The following CFAP99 variants were observed in gnomAD, a reference collection of about 807,000 sequenced individuals.
CFAP99 encodes cilia- and flagella-associated protein 99.
In CFAP99, 84 loss-of-function variants were observed where a neutral mutation model predicts 82.7. The ratio of observed to expected loss-of-function variants is 1.02; its 90% CI spans 0.85 to 1.22. CFAP99 has a LOEUF of 1.22. Ranked by LOEUF, CFAP99 falls within the 50% of genes most tolerant of loss-of-function variation. The pLI is 0.00. For missense variants in CFAP99, 1,059 were observed against 983.5 expected, an observed-to-expected ratio of 1.08 and a Z score of -1.03; for synonymous variants, 456 against 429.5, an observed-to-expected ratio of 1.06 and a Z score of -0.76.
chr4:2,441,372 CAAA>C (rs35201791), intron 4 of CFAP99, among the ~76,000 whole-genome samples: 3 of 120,144 alleles, frequency 2.5e-5, no homozygotes, highest in Non-Finnish European at 3.6e-5. Context: ...GACTCCATCT[CAAA>C]AAAAAAAAAA....
rs924391687 is a variant in CFAP99 at position 2,462,799 on chromosome 4, C to G, written c.2018C>G (p.Pro673Arg). 3 of 1,303,452 alleles carry G rather than the reference C, an allele frequency of 2.3e-6. No homozygotes were observed. Among genetic ancestry groups the G allele is most frequent in the African/African-American group, 1.6e-5 (1 of 64,488 alleles). 80.7% of individuals were successfully genotyped at this position (1,303,452 alleles called of 1,614,324 possible). A position where few individuals can be genotyped will look rare whatever the true frequency, so the allele number is the denominator to read the frequency against. The change falls in exon 15 of 15, where the codon CCC becomes CGC. Residue 673 changes from proline (P) to arginine (R), a missense_variant. By Grantham distance (103) the Pro-to-Arg change is moderately radical. Coordinates refer to ENST00000635017, the Ensembl canonical transcript of CFAP99. The surrounding 1 kb of genome is among the most constrained non-coding windows in gnomAD (Gnocchi z 4.1). ...GTCCCTGCCCGCGCCGACGCGTTCC[C>G]CGGCCTGCAGGCGCAGCTAGAGGCG...
At chr4:2,455,286 A>G (rs1181145221) in intron 11 of CFAP99, among the ~76,000 whole-genome samples, 1 of 152,242 alleles carries the variant, frequency 6.6e-6, no homozygotes, top group Non-Finnish European at 1.5e-5. Flanking sequence ...TTGACTTTGT[A>G]TATGAGGTTT....
rs1203783 is a variant in CFAP99, at chr4:2,425,635, C to T, written c.-17-824C>T. Among the ~76,000 whole-genome samples, 254 of 152,322 alleles carry T rather than the reference C, an allele frequency of 1.7e-3. 2 individuals carry two copies. Among genetic ancestry groups the T allele is most frequent in the African/African-American group, 5.5e-3 (227 of 41,570 alleles). On this transcript the variant is annotated intron_variant, in intron 1 of 14. Coordinates refer to ENST00000635017, the Ensembl canonical transcript of CFAP99. ...AGGGCCCCCCTCTGCCCAGCGCTGC[C>T]CTACTGTCCTGCGTAGTCCAGCTGG... is the stretch of plus-strand genomic sequence containing the variant.
chr4:2,443,363 T>G lies in CFAP99; in HGVS notation c.464+121T>G. On this transcript the variant is annotated intron_variant, in intron 5 of 14. Transcript: ENST00000635017. ...CTCCCAGAAGCTCTATGAGTGTCAGTAATCACTCCGTGTTCGGATGAGATC... is the reference window on the plus strand; with the variant it reads ...CTCCCAGAAGCTCTATGAGTGTCAGGAATCACTCCGTGTTCGGATGAGATC... The G allele has an allele frequency of 1.0e-5, 7 of 669,038 alleles. No homozygotes were observed. The South Asian group carries it at 1.2e-4, about 11-fold the overall frequency. 41.4% of individuals were successfully genotyped at this position (669,038 alleles called of 1,614,324 possible).
intron 1 of CFAP99, among the ~76,000 whole-genome samples, chr4:2,423,593 G>C (rs986841301): frequency 6.6e-6 from 1 of 152,194 alleles, no homozygotes; most frequent in Non-Finnish European, 1.5e-5. Flanking sequence ...AAGGTTTCCC[G>C]CAGGATGGGC....
exon 13 of CFAP99, chr4:2,459,163 CAGGAGG>C: frequency 6.5e-7 from 1 of 1,535,520 alleles, no homozygotes; most frequent in Non-Finnish European, 8.7e-7. Context: ...GCAGGCAGCC[CAGGAGG>C]AGCAGCGGCG....
exon 6 of CFAP99, chr4:2,445,173 C>A (rs769895565): frequency 7.1e-7 from 1 of 1,415,498 alleles, no homozygotes; most frequent in Non-Finnish European, 9.2e-7. Flanking sequence ...ACCTGGAGGG[C>A]GTGTCTGCCA....
chr4:2,426,869 C>T, intron 2 of CFAP99: 1 of 385,968 alleles, frequency 2.6e-6, no homozygotes, highest in Non-Finnish European at 4.9e-6. Context: ...GAAGGGTCAG[C>T]CCTGGAGCGC....
At position 2,420,817 on chromosome 4, in the gene CFAP99, C is replaced by T. The variant is rs150785961; in HGVS notation, c.-18+1724C>T. 2.9e-3 allele frequency among the ~76,000 whole-genome samples: 439 copies of T among 152,314 alleles called. 1 individual carries two copies. Among genetic ancestry groups the T allele is most frequent in the Non-Finnish European group, 5.2e-3 (351 of 68,028 alleles). On this transcript the variant is annotated intron_variant, in intron 1 of 14. Coordinates refer to ENST00000635017, the Ensembl canonical transcript of CFAP99. The stretch of plus-strand genomic sequence containing the variant: ...CACGTTTCTTCATGATCCAGGATGG[C>T]TGCCCACATTCCTGCCATCACCTCC...
chr4:2,442,307 A>G (rs1404380430), intron 4 of CFAP99, among the ~76,000 whole-genome samples: 1 of 150,856 alleles, frequency 6.6e-6, no homozygotes, highest in Non-Finnish European at 1.5e-5. Flanking sequence ...GGCCCCCTTG[A>G]GGGAGGAAGC....
intron 3 of CFAP99, among the ~76,000 whole-genome samples, chr4:2,437,697 G>A (rs991284184): frequency 2.6e-5 from 4 of 152,236 alleles, no homozygotes; most frequent in Non-Finnish European, 5.9e-5. Flanking sequence ...CTAGGGGCCC[G>A]TTACAGTTCC....
At chr4:2,423,542 G>A (rs1733624615) in intron 1 of CFAP99, among the ~76,000 whole-genome samples, 1 of 152,214 alleles carries the variant, frequency 6.6e-6, no homozygotes, top group Non-Finnish European at 1.5e-5. Flanking sequence ...GGGGTGGGGT[G>A]TGGGTGGTCT....
chr4:2,449,918 T>C lies in CFAP99; in HGVS notation c.724-16T>C. ...CAGAGGCTGGTGGGACTGGAGCCGCTGTGTCACTGTGGCAGGAGCTGCTGC... is the reference window on the plus strand; with the variant it reads ...CAGAGGCTGGTGGGACTGGAGCCGCCGTGTCACTGTGGCAGGAGCTGCTGC... On this transcript the variant is annotated splice_polypyrimidine_tract_variant and intron_variant, in intron 7 of 14. Coordinates refer to ENST00000635017, the Ensembl canonical transcript of CFAP99. The C allele has an allele frequency of 6.5e-7, 1 of 1,536,110 alleles. No individual in the cohort carries two copies. The highest frequency in any genetic ancestry group is 8.7e-7 in the Non-Finnish European group (1 of 1,146,868).
chr4:2,450,543 C>G (rs1309540174), intron 8 of CFAP99, among the ~76,000 whole-genome samples: 1 of 152,210 alleles, frequency 6.6e-6, no homozygotes, highest in Admixed American at 6.5e-5. Context: ...GCTTGCGGTG[C>G]CCACCCTGGG....
intron 1 of CFAP99, among the ~76,000 whole-genome samples, chr4:2,423,650 G>T (rs1298183198): frequency 3.9e-5 from 6 of 152,202 alleles, no homozygotes; most frequent in East Asian, 1.9e-4. Flanking sequence ...CATGAAGGGG[G>T]TGGGAACCCT....
chr4:2,430,559 G>A (rs1316469200), intron 2 of CFAP99, among the ~76,000 whole-genome samples: 1 of 151,432 alleles, frequency 6.6e-6, no homozygotes, highest in African/African-American at 2.4e-5. Flanking sequence ...AGAAAATTAC[G>A]CAATACGTAA....
chr4:2,454,001 G>T lies in CFAP99; in HGVS notation c.1161+1655G>T, dbSNP rs1470247563. On this transcript the variant is annotated intron_variant, in intron 11 of 14. Transcript: ENST00000635017. ...GCTAATTTTTGTTTTTTGGTTTTTGGTTTTTTTTTCTTTTTGAGACAGAGT... is the reference window on the plus strand; with the variant it reads ...GCTAATTTTTGTTTTTTGGTTTTTGTTTTTTTTTTCTTTTTGAGACAGAGT... 7.4e-5 allele frequency among the ~76,000 whole-genome samples: 11 copies of T among 148,274 alleles called. No individual in the cohort carries two copies. The East Asian group carries it at 9.9e-4, about 13-fold the overall frequency.
At chr4:2,435,298 G>GA (rs397778115) in intron 2 of CFAP99, among the ~76,000 whole-genome samples, 8,161 of 55,240 alleles carry the variant, frequency 0.15, 868 homozygotes, top group African/African-American at 0.36. Context: ...CTCCATCTCA[G>GA]AAAAAAAAAA....
chr4:2,438,915 G>C (rs1733978661), intron 4 of CFAP99, among the ~76,000 whole-genome samples: 1 of 152,238 alleles, frequency 6.6e-6, no homozygotes, highest in African/African-American at 2.4e-5. Context: ...GCCCAGAACA[G>C]CCTCTCCTCC....
Sources: gnomAD v4.1 joint callset for allele counts (sites outside exome capture counted in the v4.1 genomes callset) on GRCh38, gnomAD v4.1.1 for gene constraint, Gnocchi (gnomAD v3.1) non-coding constraint, MANE v1.5 for transcripts, NCBI Gene and HGNC (gene_info 2026-07-23, HGNC 2026-07-21) for gene names.